The following MECOM variants were observed in gnomAD, a reference collection of about 807,000 sequenced individuals.
MECOM encodes MDS1 and EVI1 complex locus.
In MECOM, 13 loss-of-function variants were observed where a neutral mutation model predicts 116.3. That is an observed-to-expected ratio of 0.11 (90% CI 0.07 to 0.18). The LOEUF is 0.18. MECOM is among the 10% of genes least tolerant of loss of function. The pLI is 1.00. For missense variants in MECOM, 1,299 were observed against 1,509.0 expected, an observed-to-expected ratio of 0.86 and a Z score of 2.31; for synonymous variants, 528 against 535.2, an observed-to-expected ratio of 0.99 and a Z score of 0.19.
chr3:169,663,229 G>T, intron 1 of MECOM, 107 bp downstream of exon 1: 1 of 1,339,554 alleles, frequency 7.5e-7, no homozygotes, highest in East Asian at 2.5e-5. Flanking sequence ...TCCACCCGGG[G>T]CCCCGGCGCA....
intron 1 of MECOM, among the ~76,000 whole-genome samples, chr3:169,391,063 C>T (rs1449368096): frequency 6.6e-6 from 1 of 152,090 alleles, no homozygotes; most frequent in Admixed American, 6.6e-5. Context: ...TTTCTTACAG[C>T]CAGGAGTCTT....
intron 1 of MECOM, among the ~76,000 whole-genome samples, chr3:169,557,605 A>G (rs1946164): frequency 0.22 from 33,564 of 152,174 alleles, 4,714 homozygotes; most frequent in East Asian, 0.7. Context: ...ACCATCAGAG[A>G]TTCTCAAAGG....
At chr3:169,572,097 A>G (rs1423333497) in intron 1 of MECOM, among the ~76,000 whole-genome samples, 3 of 152,268 alleles carry the variant, frequency 2.0e-5, no homozygotes, top group African/African-American at 4.8e-5. Context: ...TCCATCTGAC[A>G]AAGGGCTAAT....
At chr3:169,661,014 C>A (rs999311171) in intron 1 of MECOM, among the ~76,000 whole-genome samples, 2 of 152,180 alleles carry the variant, frequency 1.3e-5, no homozygotes, top group Admixed American at 1.3e-4. Flanking sequence ...ATAAATGGGT[C>A]TCCCACCAGT....
Position 169,663,404 on chromosome 3 carries a change from G to T in MECOM, c.-32C>A. On this transcript the variant is annotated 5_prime_UTR_variant, in exon 1 of 17. Coordinates refer to ENST00000651503, the MANE Select transcript of MECOM (RefSeq NM_004991.4). Reference sequence around the variant, plus strand: ...CCCAGTCCTGCAGCCGCTGGTGTGTGGTTGGGGCTTTTTTTTCTTGGATCC... The same window carrying T: ...CCCAGTCCTGCAGCCGCTGGTGTGTTGTTGGGGCTTTTTTTTCTTGGATCC... 6.2e-7 allele frequency: 1 copy of T among 1,601,662 alleles called. No homozygotes were observed. Among genetic ancestry groups the T allele is most frequent in the Non-Finnish European group, 8.5e-7 (1 of 1,174,314 alleles).
chr3:169,433,193 G>A (rs1218975933), intron 1 of MECOM, among the ~76,000 whole-genome samples: 1 of 152,180 alleles, frequency 6.6e-6, no homozygotes, highest in Non-Finnish European at 1.5e-5. Context: ...ACTAGGCCGG[G>A]CATGGTGACT....
At chr3:169,358,777 A>G (rs1055607040) in intron 2 of MECOM, among the ~76,000 whole-genome samples, 2 of 151,746 alleles carry the variant, frequency 1.3e-5, no homozygotes, top group East Asian at 1.9e-4. Context: ...GCATAAACTT[A>G]TAAGACTTAT....
chr3:169,654,527 C>T (rs1775293712), intron 1 of MECOM, among the ~76,000 whole-genome samples: 1 of 152,138 alleles, frequency 6.6e-6, no homozygotes, highest in South Asian at 2.1e-4. Flanking sequence ...CCACAGTAGC[C>T]AAATGACTCC....
chr3:169,350,316 A>T (rs985865768), intron 2 of MECOM, among the ~76,000 whole-genome samples: 4 of 152,016 alleles, frequency 2.6e-5, no homozygotes, highest in African/African-American at 7.2e-5. Flanking sequence ...GACCTTGAGC[A>T]AGTAACTGAC....
At chr3:169,183,034 G>A (rs1309972095) in intron 2 of MECOM, among the ~76,000 whole-genome samples, 3 of 152,180 alleles carry the variant, frequency 2.0e-5, no homozygotes, top group African/African-American at 7.2e-5. Flanking sequence ...TAACCTTGCT[G>A]AACCTCATGA....
chr3:169,554,087 A>G (rs1262122345), intron 1 of MECOM, among the ~76,000 whole-genome samples: 1 of 152,196 alleles, frequency 6.6e-6, no homozygotes, highest in Non-Finnish European at 1.5e-5. Context: ...TGGCATCTGA[A>G]TAGAAGAAAT....
chr3:169,145,014 A>C (rs776626094), intron 2 of MECOM: 11 of 1,559,528 alleles, frequency 7.1e-6, no homozygotes, highest in Non-Finnish European at 9.6e-6. Context: ...TTCAAGAAAA[A>C]CCCAGTGCTC....
chr3:169,131,906 C>T (rs1734841268), intron 3 of MECOM: 1 of 1,010,976 alleles, frequency 9.9e-7, no homozygotes, highest in African/African-American at 1.7e-5. Flanking sequence ...TGAATCCTGC[C>T]TGGAATTCTC....
At chr3:169,214,554 G>A (rs1751185414) in intron 2 of MECOM, among the ~76,000 whole-genome samples, 1 of 151,512 alleles carries the variant, frequency 6.6e-6, no homozygotes, top group Non-Finnish European at 1.5e-5. Context: ...AAAGAGTTTT[G>A]GTTTAGACTT....
At chr3:169,640,521 T>C (rs921915532) in intron 1 of MECOM, among the ~76,000 whole-genome samples, 1 of 152,256 alleles carries the variant, frequency 6.6e-6, no homozygotes, top group African/African-American at 2.4e-5. Flanking sequence ...TGTGCTATTC[T>C]AATATTTTAT....
chr3:169,478,030 T>A (rs1750750933), intron 1 of MECOM, among the ~76,000 whole-genome samples: 1 of 151,858 alleles, frequency 6.6e-6, no homozygotes, highest in Non-Finnish European at 1.5e-5. Flanking sequence ...GTCAGGGAGG[T>A]CAACGGTGAA....
chr3:169,299,670 A>G (rs1166774399), intron 2 of MECOM, among the ~76,000 whole-genome samples: 1 of 152,158 alleles, frequency 6.6e-6, no homozygotes, highest in Non-Finnish European at 1.5e-5. Flanking sequence ...CCATATGCAT[A>G]ATTCCATATA....
chr3:169,185,398 A>T (rs1321763075), intron 2 of MECOM, among the ~76,000 whole-genome samples: 1 of 152,144 alleles, frequency 6.6e-6, no homozygotes, highest in Non-Finnish European at 1.5e-5. Context: ...AAAGTTATGG[A>T]GGATGAAGGG....
At chr3:169,297,120 G>A (rs189877744) in intron 2 of MECOM, among the ~76,000 whole-genome samples, 4 of 152,248 alleles carry the variant, frequency 2.6e-5, no homozygotes, top group Non-Finnish European at 5.9e-5. Flanking sequence ...AATTTTACAT[G>A]CTTATTTAAA....
Sources: allele counts gnomAD v4.1 joint callset (sites outside exome capture counted in the v4.1 genomes callset), GRCh38; gene constraint gnomAD v4.1.1; transcripts MANE v1.5; gene names NCBI Gene and HGNC (gene_info 2026-07-23, HGNC 2026-07-21).